The following TTC3 variants were observed in gnomAD, a reference collection of about 807,000 sequenced individuals.
TTC3 encodes the protein tetratricopeptide repeat domain 3.
Under a neutral mutation model 249.6 loss-of-function variants are expected in TTC3, and 180 were observed. The observed-to-expected ratio is 0.72, with a 90% confidence interval of 0.64 to 0.82. The LOEUF (loss-of-function observed/expected upper bound fraction) is 0.82. Among genes scored for constraint, TTC3 ranks in the 40% least tolerant of loss-of-function variants. TTC3 has a pLI of 0.00. For missense variants in TTC3, 2,061 were observed against 2,398.4 expected (o/e 0.86, Z 2.94); for synonymous variants, 717 against 805.0 (o/e 0.89, Z 1.85).
intron 34 of TTC3, among the ~76,000 whole-genome samples, chr21:37,167,893 T>A (rs1254539523): frequency 6.6e-6 from 1 of 151,846 alleles, no homozygotes; most frequent in Non-Finnish European, 1.5e-5. Flanking sequence ...ATTTTTATTT[T>A]AATTATTTTT....
exon 42 of TTC3, chr21:37,196,000 T>C: frequency 1.9e-6 from 3 of 1,614,192 alleles, no homozygotes; most frequent in Non-Finnish European, 2.5e-6. Context: ...AATAGTATTA[T>C]TGAGCACCTG....
At chr21:37,174,814 G>C (rs1029928727) in intron 35 of TTC3, among the ~76,000 whole-genome samples, 1 of 152,266 alleles carries the variant, frequency 6.6e-6, no homozygotes, top group East Asian at 1.9e-4. Flanking sequence ...CTACTTCACA[G>C]CTTTGTGAGG....
intron 16 of TTC3, 39 bp from the exon 17 acceptor site, chr21:37,132,643 A>AT: frequency 6.5e-7 from 1 of 1,527,222 alleles, no homozygotes; most frequent in Non-Finnish European, 8.9e-7. Flanking sequence ...TAGAACTTTT[A>AT]TTTTAAAATG....
chr21:37,165,136 AT>A, intron 32 of TTC3, among the ~76,000 whole-genome samples: 1 of 152,262 alleles, frequency 6.6e-6, no homozygotes, highest in African/African-American at 2.4e-5. Flanking sequence ...AGTTTTCAGT[AT>A]TTACTGTACG....
At chr21:37,158,420 T>A (rs1313360836) in intron 28 of TTC3, among the ~76,000 whole-genome samples, 1 of 152,234 alleles carries the variant, frequency 6.6e-6, no homozygotes, top group East Asian at 1.9e-4. Context: ...GCAATCCCAA[T>A]GGATTCTCAA....
At chr21:37,078,518 T>G (rs1230741453) in intron 1 of TTC3, among the ~76,000 whole-genome samples, 2 of 152,180 alleles carry the variant, frequency 1.3e-5, no homozygotes, top group African/African-American at 4.8e-5. Context: ...ATATGTTAAT[T>G]CTGATGTTAT....
At chr21:37,113,316 A>C (rs2075839155) in intron 11 of TTC3, among the ~76,000 whole-genome samples, 1 of 152,228 alleles carries the variant, frequency 6.6e-6, no homozygotes, top group Admixed American at 6.5e-5. Flanking sequence ...AAATCTCCTT[A>C]AGCTGATAAC....
exon 18 of TTC3, chr21:37,135,489 A>G (rs1325379059): frequency 6.2e-7 from 1 of 1,613,988 alleles, no homozygotes; most frequent in East Asian, 2.2e-5. Context: ...GAGTTGCTGA[A>G]CGGTTTAGAT....
chr21:37,108,293 G>C, intron 10 of TTC3, 99 bp from the exon 11 acceptor site: 1 of 915,458 alleles, frequency 1.1e-6, no homozygotes, highest in East Asian at 2.8e-5. Context: ...CTTTTGACTA[G>C]ATAATATACA....
exon 46 of TTC3, chr21:37,201,518 T>G: frequency 1.2e-6 from 2 of 1,613,986 alleles, no homozygotes; most frequent in Non-Finnish European, 1.7e-6. Context: ...AGAGTCACCT[T>G]CTGGAAGAGG....
chr21:37,122,421 TA>T (rs2076669239), intron 12 of TTC3, among the ~76,000 whole-genome samples: 1 of 36,560 alleles, frequency 2.7e-5, no homozygotes, highest in African/African-American at 8.7e-5. Context: ...ATATATATAA[TA>T]TATATATATA....
intron 45 of TTC3, among the ~76,000 whole-genome samples, chr21:37,200,759 C>T (rs912774530): frequency 1.3e-5 from 2 of 152,192 alleles, no homozygotes; most frequent in South Asian, 2.1e-4. Flanking sequence ...CTGCTCGTAC[C>T]GTTCTGGGAT....
At chr21:37,074,539 C>T (rs2070554660) in intron 1 of TTC3, among the ~76,000 whole-genome samples, 1 of 152,164 alleles carries the variant, frequency 6.6e-6, no homozygotes, top group African/African-American at 2.4e-5. Flanking sequence ...ATGGCATTCA[C>T]CTAAATCTCT....
intron 18 of TTC3, 46 bp downstream of exon 18, chr21:37,135,560 C>CAA: frequency 6.3e-7 from 1 of 1,584,794 alleles, no homozygotes; most frequent in South Asian, 1.1e-5. Flanking sequence ...TAATGCACCT[C>CAA]AGATGAATGC....
At chr21:37,100,647 G>C (rs1463707700) in intron 10 of TTC3, among the ~76,000 whole-genome samples, 1 of 152,210 alleles carries the variant, frequency 6.6e-6, no homozygotes, top group Non-Finnish European at 1.5e-5. Context: ...TGTTGCGCTT[G>C]GAAAACGCAG....
intron 2 of TTC3, 147 bp from the exon 3 acceptor site, chr21:37,087,686 T>C: frequency 1.3e-6 from 1 of 763,502 alleles, no homozygotes; most frequent in South Asian, 1.7e-5. Context: ...AAAACGGGTC[T>C]CAAATTAAGA....
intron 35 of TTC3, among the ~76,000 whole-genome samples, chr21:37,181,215 A>G (rs1288957460): frequency 1.3e-5 from 2 of 152,230 alleles, no homozygotes. Flanking sequence ...GTATGTGCAC[A>G]TATGTTTATA....
At chr21:37,139,131 T>C (rs901371302) in intron 19 of TTC3, among the ~76,000 whole-genome samples, 7 of 152,162 alleles carry the variant, frequency 4.6e-5, no homozygotes, top group Non-Finnish European at 1.0e-4. Flanking sequence ...TATATAAAAT[T>C]TAAGATAATG....
rs1057336624 is a variant in TTC3 at position 37,077,811 on chromosome 21, G to A, written c.-12+4447G>A. Among the ~76,000 whole-genome samples the A allele has an allele frequency of 2.8e-4, 43 of 152,112 alleles. 1 individual carries two copies. Among genetic ancestry groups the A allele is most frequent in the Non-Finnish European group, 2.5e-4 (17 of 68,018 alleles). Reference sequence around the variant, plus strand: ...AAAACTGGTAACATCGATTATGTGCGTTGTAAATATCTTTTTCTGGTTTGT... The same window carrying A: ...AAAACTGGTAACATCGATTATGTGCATTGTAAATATCTTTTTCTGGTTTGT... On this transcript the variant is annotated intron_variant, in intron 1 of 45. Transcript: ENST00000355666.
Sources: allele counts gnomAD v4.1 joint callset (sites outside exome capture counted in the v4.1 genomes callset), GRCh38; gene constraint gnomAD v4.1.1; transcripts MANE v1.5; gene names NCBI Gene and HGNC (gene_info 2026-07-23, HGNC 2026-07-21).